The following ZNF66 variants were observed in gnomAD, a reference collection of about 807,000 sequenced individuals.
ZNF66 encodes putative zinc finger protein 66.
In ZNF66, 32 loss-of-function variants were observed where a neutral mutation model predicts 35.2. That is an observed-to-expected ratio of 0.91 (90% CI 0.69 to 1.22). The LOEUF (loss-of-function observed/expected upper bound fraction) is 1.22, where lower values mean the gene tolerates loss of function less well. Ranked by LOEUF, ZNF66 falls within the 50% of genes most tolerant of loss-of-function variation. The pLI, the probability that ZNF66 is intolerant of heterozygous loss-of-function variation, is 0.00. For synonymous variants in ZNF66, 231 were observed against 181.3 expected, an observed-to-expected ratio of 1.27 and a Z score of -2.20; for missense variants, 666 against 543.1, an observed-to-expected ratio of 1.23 and a Z score of -2.25.
intron 3 of ZNF66, among the ~76,000 whole-genome samples, chr19:20,800,109 T>G (rs1166541106): frequency 6.6e-6 from 1 of 152,212 alleles, no homozygotes; most frequent in Non-Finnish European, 1.5e-5. Context: ...CTCAGCCTCC[T>G]GGGCTCAAGT....
At chr19:20,779,874 G>A (rs1418977090) in intron 1 of ZNF66, among the ~76,000 whole-genome samples, 1 of 150,962 alleles carries the variant, frequency 6.6e-6, no homozygotes, top group Non-Finnish European at 1.5e-5. Flanking sequence ...GTTGTACTGA[G>A]CTGAGATTGC....
At chr19:20,801,358 T>TATTTTA (rs1971445918) in intron 3 of ZNF66, among the ~76,000 whole-genome samples, 1 of 152,184 alleles carries the variant, frequency 6.6e-6, no homozygotes, top group Admixed American at 6.5e-5. Flanking sequence ...TATTTTATTT[T>TATTTTA]TTGAGATGGA....
At chr19:20,782,257 C>A (rs1326360945) in intron 1 of ZNF66, among the ~76,000 whole-genome samples, 3 of 152,206 alleles carry the variant, frequency 2.0e-5, no homozygotes, top group African/African-American at 7.2e-5. Context: ...ACCATATTTT[C>A]TTTACCCAGT....
chr19:20,800,285 G>A (rs965242661), intron 3 of ZNF66, among the ~76,000 whole-genome samples: 2 of 152,142 alleles, frequency 1.3e-5, no homozygotes, highest in Admixed American at 1.3e-4. Flanking sequence ...TTATAGGCAG[G>A]AGCCATGGCA....
At chr19:20,798,093 G>A (rs1193555314) in intron 3 of ZNF66, among the ~76,000 whole-genome samples, 1 of 151,936 alleles carries the variant, frequency 6.6e-6, no homozygotes, top group East Asian at 1.9e-4. Context: ...TTCCATGGTA[G>A]TTTTATCTTG....
In ZNF66 at chr19:20,793,871, C is replaced by T. The variant is rs762060685; in HGVS notation, c.219C>T (p.Asn73=). Residue 73 remains asparagine, a synonymous_variant, in exon 3 of 4, where the codon AAC becomes AAT. Coordinates refer to ENST00000344519, the MANE Select transcript of ZNF66 (RefSeq NM_001355197.2). ...STMQRHEMVA[N]PSVLCSHFNQ... is the part of the protein sequence containing the mutation. ...TGCAGAGACATGAGATGGTAGCCAA[C>T]CCCTCAGGTAGGTGTGAGTGAAAAT... The T allele has an allele frequency of 4.3e-6, 5 of 1,172,364 alleles. No individual in the cohort carries two copies. In the Admixed American group the frequency reaches 1.2e-4, roughly 29 times the overall value. 72.6% of individuals were successfully genotyped at this position (1,172,364 alleles called of 1,614,324 possible).
chr19:20,789,196 C>T (rs1329844035), intron 1 of ZNF66, among the ~76,000 whole-genome samples: 2 of 152,036 alleles, frequency 1.3e-5, no homozygotes, highest in Admixed American at 1.3e-4. Context: ...TTTAGGTAAC[C>T]TTTGAAAAAA....
At position 20,806,943 on chromosome 19, in the gene ZNF66, C is replaced by A. The variant is rs1228600867; in HGVS notation, c.1343C>A (p.Thr448Asn). 8.6e-7 allele frequency: 1 copy of A among 1,160,100 alleles called. No homozygotes were observed. Among genetic ancestry groups the A allele is most frequent in the Non-Finnish European group, 1.3e-6 (1 of 767,522 alleles). 71.9% of individuals were successfully genotyped at this position (1,160,100 alleles called of 1,614,324 possible). ...CTTACTACACATAAGATAATTCACACTGGAGAGAAACCCTACGAATGTGAA... is the reference window on the plus strand; with the variant it reads ...CTTACTACACATAAGATAATTCACAATGGAGAGAAACCCTACGAATGTGAA... ...SILTTHKIIH[T>N]GEKPYECEDC... The change falls in exon 4 of 4, where the codon ACT becomes AAT. Residue 448 changes from threonine to asparagine, a missense_variant. Transcript: ENST00000344519.
rs1042291780 is a variant in ZNF66, at chr19:20,808,398, T to A, written c.*1076T>A. Reference sequence around the variant, plus strand: ...GAGATCTGAGAACGGGCAGACTGCCTCCTCAAGTGGGTCTCTGACCCCCGA... The same window carrying A: ...GAGATCTGAGAACGGGCAGACTGCCACCTCAAGTGGGTCTCTGACCCCCGA... On this transcript the variant is annotated 3_prime_UTR_variant, in exon 4 of 4. Coordinates refer to ENST00000344519, the MANE Select transcript of ZNF66 (RefSeq NM_001355197.2). 6.6e-6 allele frequency among the ~76,000 whole-genome samples: 1 copy of A among 152,186 alleles called. No homozygotes were observed. Among genetic ancestry groups the A allele is most frequent in the African/African-American group, 2.4e-5 (1 of 41,444 alleles).
chr19:20,801,398 CA>C (rs1568499569), intron 3 of ZNF66, among the ~76,000 whole-genome samples: 1 of 143,308 alleles, frequency 7.0e-6, no homozygotes, highest in African/African-American at 2.6e-5. Context: ...GGCTGGAGTG[CA>C]ATGGTGCAAT....
intron 3 of ZNF66, among the ~76,000 whole-genome samples, chr19:20,797,881 A>G (rs1179097938): frequency 1.3e-5 from 2 of 152,098 alleles, no homozygotes; most frequent in Admixed American, 6.6e-5. Flanking sequence ...GTTTCTTACC[A>G]TTAGTTTATT....
chr19:20,776,582 T>C (rs1971196720), intron 1 of ZNF66, 132 bp downstream of exon 1: 1 of 1,264,470 alleles, frequency 7.9e-7, no homozygotes, highest in Non-Finnish European at 1.1e-6. Flanking sequence ...CATTCAGCCA[T>C]AAGATGGCGG....
Position 20,789,880 on chromosome 19 carries a change from T to G in ZNF66, c.4-2632T>G, listed in dbSNP as rs576789390. Among the ~76,000 whole-genome samples, 14 of 152,358 alleles carry G rather than the reference T, an allele frequency of 9.2e-5. No individual in the cohort carries two copies. The East Asian group carries it at 2.5e-3, about 27-fold the overall frequency. On this transcript the variant is annotated intron_variant, in intron 1 of 3. Transcript: ENST00000344519. ...AATAAACATTGCATTAGTACATGTG[T>G]ACATGTTGTTTTTAAAATACAGACT...
At chr19:20,792,435 T>C (rs1284273884) in intron 1 of ZNF66, 77 bp from the exon 2 acceptor site, 2 of 1,295,952 alleles carry the variant, frequency 1.5e-6, no homozygotes, top group East Asian at 2.4e-5. Flanking sequence ...ATCTTTACTC[T>C]CTCATTTCAC....
intron 3 of ZNF66, among the ~76,000 whole-genome samples, chr19:20,800,899 TTTA>T (rs142673872): frequency 0.01 from 1,524 of 152,306 alleles, 21 homozygotes; most frequent in African/African-American, 0.033. Context: ...GAATTTTCTA[TTTA>T]TTAATTGCAA....
At chr19:20,778,477 T>C (rs1334380024) in intron 1 of ZNF66, among the ~76,000 whole-genome samples, 1 of 152,178 alleles carries the variant, frequency 6.6e-6, no homozygotes, top group East Asian at 1.9e-4. Context: ...GCTTTTCTTA[T>C]AGGGGTATAA....
intron 3 of ZNF66, among the ~76,000 whole-genome samples, chr19:20,803,796 A>G (rs1030213285): frequency 6.6e-6 from 1 of 152,084 alleles, no homozygotes; most frequent in Non-Finnish European, 1.5e-5. Context: ...CATTCTCAGG[A>G]TTTGGTTATT....
In ZNF66 at chr19:20,787,116, A is replaced by G. The variant is rs1971293945; in HGVS notation, c.4-5396A>G. Reference sequence around the variant, plus strand: ...ATGATATATATCTAATTAATAATCAATGCTATTTCTGTAAATAAAAATTTC... The same window carrying G: ...ATGATATATATCTAATTAATAATCAGTGCTATTTCTGTAAATAAAAATTTC... On this transcript the variant is annotated intron_variant, in intron 1 of 3. Transcript: ENST00000344519. 3.3e-5 allele frequency among the ~76,000 whole-genome samples: 5 copies of G among 152,298 alleles called. No individual in the cohort carries two copies. The South Asian group carries it at 1.0e-3, about 32-fold the overall frequency.
chr19:20,788,067 T>C (rs1971303951), intron 1 of ZNF66, among the ~76,000 whole-genome samples: 1 of 152,224 alleles, frequency 6.6e-6, no homozygotes, highest in Non-Finnish European at 1.5e-5. Context: ...AGTCATCCTG[T>C]GTTTTTTCAT....
Sources: allele counts gnomAD v4.1 joint callset (sites outside exome capture counted in the v4.1 genomes callset), GRCh38; gene constraint gnomAD v4.1.1; transcripts MANE v1.5; gene names NCBI Gene and HGNC (gene_info 2026-07-23, HGNC 2026-07-21).